The following PFKL variants were observed in gnomAD, a reference collection of about 807,000 sequenced individuals.
PFKL encodes the protein phosphofructokinase, liver type.
Under a neutral mutation model 92.1 loss-of-function variants are expected in PFKL, and 74 were observed. The ratio of observed to expected loss-of-function variants is 0.80; its 90% CI spans 0.67 to 0.97. PFKL has a LOEUF of 0.97. Among genes scored for constraint, PFKL ranks in the 50% least tolerant of loss-of-function variants. The probability of loss-of-function intolerance (pLI) is 0.00; values close to 1 mark genes in which losing one functional copy is unlikely to be tolerated. For synonymous variants in PFKL, 494 were observed against 456.4 expected, an observed-to-expected ratio of 1.08 and a Z score of -1.05; for missense variants, 1,028 against 1,116.6, an observed-to-expected ratio of 0.92 and a Z score of 1.13.
chr21:44,320,305 T>C, intron 12 of PFKL, 158 bp downstream of exon 12: 2 of 561,150 alleles, frequency 3.6e-6, no homozygotes, highest in Non-Finnish European at 6.2e-6. Context: ...CTGCCTGGGC[T>C]CAGGCACCAC....
At chr21:44,304,394 G>A (rs1222857201) in intron 1 of PFKL, 14 of 1,260,296 alleles carry the variant, frequency 1.1e-5, no homozygotes, top group Non-Finnish European at 1.4e-5. Context: ...GTGGTTGGAC[G>A]GTGGCCTGGG....
At chr21:44,324,680 C>A in intron 17 of PFKL, 25 bp downstream of exon 17, 1 of 1,566,284 alleles carries the variant, frequency 6.4e-7, no homozygotes, top group South Asian at 1.2e-5. Context: ...GCCCCTGCTG[C>A]GGCAGACCTG....
chr21:44,306,732 C>T lies in PFKL; in HGVS notation c.137C>T (p.Ala46Val), dbSNP rs2040958972. 1 of 1,613,732 alleles carries T rather than the reference C, an allele frequency of 6.2e-7. No homozygotes were observed. The highest frequency in any genetic ancestry group is 1.3e-5 in the African/African-American group (1 of 74,916). ...ACGCGCATGGGCATTTATGTGGGTG[C>T]CAAAGTCTTCCTCATCTACGAGGTA... ...AVTRMGIYVG[A>V]KVFLIYEGYE... is the part of the protein sequence containing the mutation. Residue 46 changes from alanine (A) to valine (V), a missense_variant, in exon 2 of 22, where the codon GCC becomes GTC. Transcript: ENST00000349048.
chr21:44,321,912 C>T lies in PFKL; in HGVS notation c.1338+37C>T, dbSNP rs200853088. On this transcript the variant is annotated intron_variant, in intron 13 of 21. Transcript: ENST00000349048. ...CGGGGCAAACAAGTGAGGACTTGGG[C>T]CTTCTGTGTGCACACTTGGGGCATT... is the stretch of plus-strand genomic sequence containing the variant. 2,835 of 1,513,488 alleles carry T rather than the reference C, an allele frequency of 1.9e-3. 2 individuals are homozygous for T. The highest frequency in any genetic ancestry group is 2.3e-3 in the Non-Finnish European group (2,611 of 1,128,592). 93.8% of individuals were successfully genotyped at this position (1,513,488 alleles called of 1,614,324 possible). A position where few individuals can be genotyped will look rare whatever the true frequency, so the allele number is the denominator to read the frequency against.
chr21:44,305,174 T>G, intron 1 of PFKL: 3 of 1,139,622 alleles, frequency 2.6e-6, no homozygotes, highest in South Asian at 1.4e-5. Flanking sequence ...TGGGATCTCA[T>G]TGGATTCCTG....
intron 5 of PFKL, among the ~76,000 whole-genome samples, chr21:44,313,425 G>A (rs2047112624): frequency 6.6e-6 from 1 of 152,236 alleles, no homozygotes; most frequent in Admixed American, 6.5e-5. Flanking sequence ...CCTGGGCTTG[G>A]CAAATGACCC....
intron 15 of PFKL, among the ~76,000 whole-genome samples, chr21:44,323,500 C>G (rs919307957): frequency 6.6e-6 from 1 of 152,164 alleles, no homozygotes; most frequent in African/African-American, 2.4e-5. Context: ...CCCTTGCCCT[C>G]CATGGAGTGG....
In PFKL at chr21:44,300,190, G is replaced by C; in HGVS notation, c.85G>C (p.Gly29Arg). Residue 29 changes from glycine to arginine, a missense_variant and splice_region_variant, in exon 1 of 22, where the codon GGC (glycine) becomes CGC (arginine). Transcript: ENST00000349048. ...CCTGACCAGCGGCGGCGACGCGCAA[G>C]GTGGGCGGGGGTCCCGGCCGCGTCG... ...GVLTSGGDAQGMNAAVRAVTR... is the reference protein window; with the variant it reads ...GVLTSGGDAQRMNAAVRAVTR... The C allele has an allele frequency of 9.0e-7, 1 of 1,112,150 alleles. No individual in the cohort carries two copies. The highest frequency in any genetic ancestry group is 1.1e-6 in the Non-Finnish European group (1 of 909,460). 68.9% of individuals were successfully genotyped at this position (1,112,150 alleles called of 1,614,324 possible).
In PFKL at chr21:44,312,985, C is replaced by T; in HGVS notation, c.435C>T (p.Ile145=). Residue 145 remains isoleucine (I), a synonymous_variant, in exon 5 of 22, where the codon ATC becomes ATT. Transcript: ENST00000349048. Reference sequence around the variant, plus strand: ...CTGCTGCTCCTGGCCCAGGTAAGATCTCAGAGACTACAGCCCGGACCTACT... The same window carrying T: ...CTGCTGCTCCTGGCCCAGGTAAGATTTCAGAGACTACAGCCCGGACCTACT... The part of the protein sequence containing the change: ...LLEELVAEGK[I]SETTARTYSH... 1 of 1,612,862 alleles carries T rather than the reference C, an allele frequency of 6.2e-7. No homozygotes were observed. The highest frequency in any genetic ancestry group is 1.1e-5 in the South Asian group (1 of 91,084).
At chr21:44,305,599 A>G (rs2040911340) in intron 1 of PFKL, among the ~76,000 whole-genome samples, 1 of 152,218 alleles carries the variant, frequency 6.6e-6, no homozygotes, top group East Asian at 1.9e-4. Context: ...GGCCTGTTAC[A>G]CGGCCCCAGA....
At chr21:44,324,974 T>C in intron 18 of PFKL, 57 bp downstream of exon 18, 2 of 1,501,846 alleles carry the variant, frequency 1.3e-6, no homozygotes, top group Non-Finnish European at 1.8e-6. Context: ...GGGGCTGGGG[T>C]GGGGCTGCTG....
intron 15 of PFKL, among the ~76,000 whole-genome samples, chr21:44,323,497 C>T (rs2076022587): frequency 6.6e-6 from 1 of 152,146 alleles, no homozygotes; most frequent in African/African-American, 2.4e-5. Flanking sequence ...TCCCCCTTGC[C>T]CTCCATGGAG....
intron 3 of PFKL, 119 bp from the exon 4 acceptor site, chr21:44,311,986 C>G (rs2047059224): frequency 1.3e-6 from 1 of 779,326 alleles, no homozygotes; most frequent in African/African-American, 1.8e-5. Flanking sequence ...GGGCTTCTGC[C>G]TCTCACTCTG....
rs539838468 is a variant in PFKL at position 44,310,634 on chromosome 21, G to T, written c.160-372G>T. Among the ~76,000 whole-genome samples the T allele has an allele frequency of 3.9e-5, 6 of 152,338 alleles. No individual in the cohort carries two copies. The South Asian group carries it at 1.2e-3, about 32-fold the overall frequency. ...GCCTCTGTGGTGTCATTTCTAGGAT[G>T]TTCAGAACAGGCAGACCTAGGATGC... On this transcript the variant is annotated intron_variant, in intron 2 of 21. Coordinates refer to ENST00000349048, the MANE Select transcript of PFKL (RefSeq NM_002626.6).
At chr21:44,318,412 C>T in intron 9 of PFKL, 58 bp from the exon 10 acceptor site, 1 of 1,396,010 alleles carries the variant, frequency 7.2e-7, no homozygotes, top group Non-Finnish European at 9.4e-7. Context: ...AGAGGATGGG[C>T]ATGTGGCTTG....
intron 7 of PFKL, chr21:44,315,362 C>T (rs1425486060): frequency 1.3e-5 from 2 of 152,518 alleles, no homozygotes; most frequent in Admixed American, 1.3e-4. Flanking sequence ...GCCCACCACC[C>T]AGGGTGCACT....
At chr21:44,303,742 G>A (rs1601989557) in intron 1 of PFKL, among the ~76,000 whole-genome samples, 1 of 152,070 alleles carries the variant, frequency 6.6e-6, no homozygotes, top group East Asian at 1.9e-4. Flanking sequence ...CTGCTTTCTT[G>A]CCTGGGAGCT....
In PFKL at chr21:44,319,397, C is replaced by G. The variant is rs1272929343; in HGVS notation, c.1109C>G (p.Ala370Gly). The change falls in exon 11 of 22, where the codon GCC becomes GGC. Residue 370 changes from alanine to glycine, a missense_variant. Transcript: ENST00000349048. ...ATGGATGACAAGAGGTTTGACGAGG[C>G]CACCCAGCTCCGTGGTGGGTAAGCC... Reference protein sequence around the residue: ...KAMDDKRFDEATQLRGGSFEN... With the variant: ...KAMDDKRFDEGTQLRGGSFEN... 1 of 1,613,468 alleles carries G rather than the reference C, an allele frequency of 6.2e-7. No individual in the cohort carries two copies. Among genetic ancestry groups the G allele is most frequent in the African/African-American group, 1.3e-5 (1 of 74,942 alleles).
At chr21:44,323,643 G>A (rs1029124471) in intron 15 of PFKL, 123 bp from the exon 16 acceptor site, 24 of 1,064,322 alleles carry the variant, frequency 2.3e-5, no homozygotes, top group South Asian at 3.1e-5. Context: ...GGGTCCTGGC[G>A]TCCAGCACGG....
Sources: allele counts gnomAD v4.1 joint callset (sites outside exome capture counted in the v4.1 genomes callset), GRCh38; gene constraint gnomAD v4.1.1; transcripts MANE v1.5; gene names NCBI Gene and HGNC (gene_info 2026-07-23, HGNC 2026-07-21).